Variants in BMPR2 observed in about 807,000 individuals in gnomAD.
The protein encoded by BMPR2 is bone morphogenetic protein receptor type-2.
In BMPR2, 29 loss-of-function variants were observed where a neutral mutation model predicts 100.8. The ratio of observed to expected loss-of-function variants is 0.29; its 90% CI spans 0.21 to 0.39. The LOEUF (loss-of-function observed/expected upper bound fraction) is 0.39, where lower values mean the gene tolerates loss of function less well. Among genes scored for constraint, BMPR2 ranks in the 10% least tolerant of loss-of-function variants. BMPR2 has a pLI of 1.00. For synonymous variants in BMPR2, 382 were observed against 442.3 expected (o/e 0.86, Z 1.71); for missense variants, 1,011 against 1,274.5 (o/e 0.79, Z 3.15).
intron 1 of BMPR2, among the ~76,000 whole-genome samples, chr2:202,428,135 C>T (rs1050904296): frequency 1.3e-5 from 2 of 152,204 alleles, no homozygotes; most frequent in African/African-American, 4.8e-5. Context: ...GTAGCTCCCT[C>T]CTGTCTGCAG....
intron 10 of BMPR2, among the ~76,000 whole-genome samples, chr2:202,551,035 C>G (rs904045455): frequency 7.7e-5 from 11 of 143,350 alleles, no homozygotes; most frequent in African/African-American, 2.9e-4. Context: ...CGGCTCACTC[C>G]AACATCCGCC....
At chr2:202,490,708 A>T (rs1391069069) in intron 3 of BMPR2, among the ~76,000 whole-genome samples, 1 of 152,212 alleles carries the variant, frequency 6.6e-6, no homozygotes, top group African/African-American at 2.4e-5. Context: ...AGACAGAAAT[A>T]TGTACAGGGA....
rs183695835 is a variant in BMPR2, at chr2:202,410,815, G to A, written c.76+33265G>A. Among the ~76,000 whole-genome samples, 180 of 152,030 alleles carry A rather than the reference G, an allele frequency of 1.2e-3. 2 individuals carry two copies. The East Asian group carries it at 0.017, about 14-fold the overall frequency. On this transcript the variant is annotated intron_variant, in intron 1 of 12. Coordinates refer to ENST00000374580, the MANE Select transcript of BMPR2 (RefSeq NM_001204.7). ...AGGATGGTCTCAATCTCCTGACATCGTAATCCGCCCGCCTCGGCCTCCCAA... is the reference window on the plus strand; with the variant it reads ...AGGATGGTCTCAATCTCCTGACATCATAATCCGCCCGCCTCGGCCTCCCAA...
At chr2:202,546,983 G>A (rs1444770231) in intron 10 of BMPR2, among the ~76,000 whole-genome samples, 2 of 151,762 alleles carry the variant, frequency 1.3e-5, no homozygotes, top group Non-Finnish European at 2.9e-5. Flanking sequence ...GCCAAGACTA[G>A]TCTTAAACTC....
At chr2:202,535,739 G>C (rs1688141407) in intron 9 of BMPR2, among the ~76,000 whole-genome samples, 1 of 152,164 alleles carries the variant, frequency 6.6e-6, no homozygotes, top group Non-Finnish European at 1.5e-5. Context: ...CAGGCGGCTG[G>C]GAGGTGGAGG....
intron 3 of BMPR2, among the ~76,000 whole-genome samples, chr2:202,474,471 AAAAAC>A (rs982692724): frequency 1.4e-4 from 21 of 152,306 alleles, no homozygotes; most frequent in African/African-American, 4.1e-4. Context: ...AAAAAAAACC[AAAAAC>A]AAAACAAAAC....
chr2:202,405,418 G>A (rs1387434741), intron 1 of BMPR2, among the ~76,000 whole-genome samples: 1 of 152,098 alleles, frequency 6.6e-6, no homozygotes, highest in East Asian at 1.9e-4. Context: ...GCAGGGCGTG[G>A]TGGCTCATGC....
intron 1 of BMPR2, among the ~76,000 whole-genome samples, chr2:202,405,687 C>CAA (rs397987374): frequency 0.016 from 966 of 60,760 alleles, 14 homozygotes; most frequent in African/African-American, 0.031. Context: ...GACTCCGCCT[C>CAA]AAAAAAAAAA....
intron 9 of BMPR2, 53 bp from the exon 10 acceptor site, chr2:202,542,258 C>G: frequency 6.2e-7 from 1 of 1,600,338 alleles, no homozygotes; most frequent in East Asian, 2.2e-5. Context: ...GTTATTCTAT[C>G]ATTTATGATA....
At chr2:202,401,427 G>T (rs1690767070) in intron 1 of BMPR2, among the ~76,000 whole-genome samples, 1 of 152,090 alleles carries the variant, frequency 6.6e-6, no homozygotes, top group Non-Finnish European at 1.5e-5. Context: ...CAAGGCAAAG[G>T]TATTAAAATA....
intron 1 of BMPR2, among the ~76,000 whole-genome samples, chr2:202,422,221 T>C (rs1691278170): frequency 6.6e-6 from 1 of 151,574 alleles, no homozygotes; most frequent in Admixed American, 6.6e-5. Flanking sequence ...AAGCTTGCTT[T>C]AGTAAGCAGA....
intron 3 of BMPR2, among the ~76,000 whole-genome samples, chr2:202,468,311 T>C (rs1454234664): frequency 6.6e-6 from 1 of 152,128 alleles, no homozygotes; most frequent in Non-Finnish European, 1.5e-5. Flanking sequence ...ATCCCATCTC[T>C]ACCAAAACAA....
chr2:202,423,402 G>A (rs532750637), intron 1 of BMPR2, among the ~76,000 whole-genome samples: 45 of 152,304 alleles, frequency 3.0e-4, no homozygotes, highest in Non-Finnish European at 2.5e-4. Context: ...CGGGGGCTGT[G>A]TCTCCTTGAA....
intron 10 of BMPR2, among the ~76,000 whole-genome samples, chr2:202,550,698 G>A (rs2106039857): frequency 6.6e-6 from 1 of 152,236 alleles, no homozygotes; most frequent in Non-Finnish European, 1.5e-5. Context: ...AGCTACTCAG[G>A]AGGCTCATGT....
intron 3 of BMPR2, among the ~76,000 whole-genome samples, chr2:202,488,275 C>A (rs1692822225): frequency 6.6e-6 from 1 of 151,792 alleles, no homozygotes; most frequent in South Asian, 2.1e-4. Flanking sequence ...CCAATAATTA[C>A]AATATTATGA....
chr2:202,534,868 CCCTCCCGGACGGGGCGG>C (rs1167152875), intron 9 of BMPR2, among the ~76,000 whole-genome samples: 30 of 143,286 alleles, frequency 2.1e-4, no homozygotes, highest in African/African-American at 6.4e-4. Context: ...CCCCCCACCT[CCCTCCCGGACGGGGCGG>C]CTGGCCGGGC....
chr2:202,489,669 AGT>A (rs1264007034), intron 3 of BMPR2, among the ~76,000 whole-genome samples: 1 of 152,184 alleles, frequency 6.6e-6, no homozygotes, highest in African/African-American at 2.4e-5. Context: ...TAATTTTAAC[AGT>A]GTTAAAAATT....
At chr2:202,465,801 C>T (rs899516878) in intron 2 of BMPR2, among the ~76,000 whole-genome samples, 10 of 151,646 alleles carry the variant, frequency 6.6e-5, no homozygotes, top group Admixed American at 3.3e-4. Context: ...TGCAGTGAGC[C>T]GAGATCGCAC....
intron 3 of BMPR2, among the ~76,000 whole-genome samples, chr2:202,470,101 T>C (rs1207943771): frequency 6.6e-6 from 1 of 152,120 alleles, no homozygotes; most frequent in Non-Finnish European, 1.5e-5. Context: ...CCCAGCACTT[T>C]GGGAGACTGA....
Sources: allele counts gnomAD v4.1 joint callset (sites outside exome capture counted in the v4.1 genomes callset), GRCh38; gene constraint gnomAD v4.1.1; transcripts MANE v1.5; gene names NCBI Gene and HGNC (gene_info 2026-07-23, HGNC 2026-07-21).